The following HMCN1 variants were observed in gnomAD, a reference collection of about 807,000 sequenced individuals.
HMCN1 encodes hemicentin-1.
A neutral mutation model predicts 625.9 loss-of-function variants in HMCN1; 321 were observed. That is an observed-to-expected ratio of 0.51 (90% CI 0.47 to 0.56). The LOEUF is 0.56. Ranked by LOEUF, HMCN1 falls within the 20% of genes least tolerant of loss-of-function variation. The pLI is 0.00. For synonymous variants in HMCN1, 2,425 were observed against 2,417.6 expected (o/e 1.00, Z -0.09); for missense variants, 6,588 against 6,887.3 (o/e 0.96, Z 1.54).
intron 4 of HMCN1, among the ~76,000 whole-genome samples, chr1:185,878,682 G>A (rs780864779): frequency 2.6e-5 from 4 of 151,992 alleles, no homozygotes; most frequent in Admixed American, 1.3e-4. Context: ...CACCATTATC[G>A]ACTTCATTTT....
chr1:185,759,872 A>G (rs758871870), intron 1 of HMCN1, among the ~76,000 whole-genome samples: 4 of 152,218 alleles, frequency 2.6e-5, no homozygotes, highest in Non-Finnish European at 4.4e-5. Context: ...ACTCTTAAAC[A>G]TAAGTAATAA....
At chr1:186,113,864 G>A (rs1558233277) in intron 72 of HMCN1, 115 bp from the exon 73 acceptor site, 8 of 1,137,436 alleles carry the variant, frequency 7.0e-6, no homozygotes, top group African/African-American at 1.5e-5. Flanking sequence ...CTAGATTCTT[G>A]TAGACAAAGC....
chr1:185,768,528 C>T (rs373513699), intron 1 of HMCN1, among the ~76,000 whole-genome samples: 1 of 152,114 alleles, frequency 6.6e-6, no homozygotes, highest in South Asian at 2.1e-4. Flanking sequence ...GCATCTGCCA[C>T]GTGAATGAAT....
At chr1:186,167,935 C>G (rs1651978842) in intron 100 of HMCN1, among the ~76,000 whole-genome samples, 1 of 151,998 alleles carries the variant, frequency 6.6e-6, no homozygotes, top group Non-Finnish European at 1.5e-5. Context: ...AAGCTGCTAT[C>G]AGGATTTTTC....
chr1:185,930,356 C>G (rs934742359), intron 10 of HMCN1, among the ~76,000 whole-genome samples: 1 of 152,076 alleles, frequency 6.6e-6, no homozygotes. Context: ...CCTAGTACAC[C>G]AGCCTTTAAG....
chr1:185,911,620 T>C, intron 5 of HMCN1, 54 bp from the exon 6 acceptor site: 1 of 1,213,004 alleles, frequency 8.2e-7, no homozygotes, highest in South Asian at 1.2e-5. Flanking sequence ...AATTAGCTAA[T>C]ATACATAGCT....
intron 2 of HMCN1, among the ~76,000 whole-genome samples, chr1:185,852,352 T>C (rs904932421): frequency 6.6e-6 from 1 of 151,914 alleles, no homozygotes; most frequent in Admixed American, 6.6e-5. Context: ...ATATGAATTT[T>C]AAAAAAACAT....
At position 186,141,649 on chromosome 1, in the gene HMCN1, A is replaced by G. The variant is rs75873027; in HGVS notation, c.13925-2524A>G. 5.8e-3 allele frequency among the ~76,000 whole-genome samples: 891 copies of G among 152,336 alleles called. 3 individuals carry two copies. Among genetic ancestry groups the G allele is most frequent in the Middle Eastern group, 0.027 (8 of 294 alleles). On this transcript the variant is annotated intron_variant, in intron 89 of 106. Transcript: ENST00000271588. ...ACTGTTGAGAACTTTGAGCAAAGCC[A>G]TCATAGCTCCTAGCTTACACTTATG...
Position 185,891,536 on chromosome 1 carries a change from T to G in HMCN1, c.622-17801T>G, listed in dbSNP as rs1558044258. On this transcript the variant is annotated intron_variant, in intron 4 of 106. Transcript: ENST00000271588. ...GACAAAATCTCTCAGCATTTGCTTG[T>G]CTGTAAAGTATTTAATTTCTCCTTC... Among the ~76,000 whole-genome samples, 6 of 147,986 alleles carry G rather than the reference T, an allele frequency of 4.1e-5. No individual in the cohort carries two copies. In the South Asian group the frequency reaches 1.0e-3, roughly 26 times the overall value.
intron 6 of HMCN1, among the ~76,000 whole-genome samples, chr1:185,917,447 T>C (rs1474101004): frequency 6.6e-6 from 1 of 152,210 alleles, no homozygotes; most frequent in Non-Finnish European, 1.5e-5. Context: ...TGAACCTCTG[T>C]TTCTTTGTAG....
chr1:185,987,600 A>C (rs1652088021), intron 20 of HMCN1, 56 bp downstream of exon 20: 1 of 1,147,218 alleles, frequency 8.7e-7, no homozygotes, highest in Admixed American at 1.7e-5. Flanking sequence ...GTTCACCTGC[A>C]AGTTATCCCT....
intron 40 of HMCN1, among the ~76,000 whole-genome samples, chr1:186,044,218 TCA>T (rs759600313): frequency 1.3e-5 from 2 of 152,210 alleles, no homozygotes; most frequent in Non-Finnish European, 2.9e-5. Context: ...TTTCTGTTTC[TCA>T]CAGATTACTT....
At chr1:185,867,856 G>A (rs987075511) in intron 4 of HMCN1, among the ~76,000 whole-genome samples, 1 of 152,124 alleles carries the variant, frequency 6.6e-6, no homozygotes, top group African/African-American at 2.4e-5. Context: ...GGATCACAAG[G>A]TCAGGAGTTC....
At chr1:185,799,437 T>C (rs1658635432) in intron 1 of HMCN1, among the ~76,000 whole-genome samples, 1 of 152,140 alleles carries the variant, frequency 6.6e-6, no homozygotes, top group Non-Finnish European at 1.5e-5. Context: ...GTGAAGTTAG[T>C]TGGAGCTAGA....
In HMCN1 at chr1:186,081,243, C is replaced by T; in HGVS notation, c.8636C>T (p.Pro2879Leu). The change falls in exon 56 of 107, where the codon CCT (proline) becomes CTT (leucine). Residue 2879 changes from proline to leucine, a missense_variant. Pro to Leu is a moderately conservative substitution (Grantham distance 98). Around this residue, in one of 3 missense-constraint regions of HMCN1, gnomAD observed 4,628 missense variants for 4,853.1 expected, o/e 0.95. Transcript: ENST00000271588. ...PIIKGANSDL[P>L]EEVTVLVNKS... The stretch of plus-strand genomic sequence containing the variant: ...ATCAAGGGAGCAAATAGTGATCTCC[C>T]TGAAGAGGTCACCGTGCTGGTGAAC... 1 of 1,613,730 alleles carries T rather than the reference C, an allele frequency of 6.2e-7. No homozygotes were observed. The highest frequency in any genetic ancestry group is 8.5e-7 in the Non-Finnish European group (1 of 1,179,746).
intron 69 of HMCN1, among the ~76,000 whole-genome samples, chr1:186,106,350 CCTG>C (rs1660606353): frequency 6.6e-6 from 1 of 152,074 alleles, no homozygotes; most frequent in Admixed American, 6.5e-5. Context: ...AATTATAGAT[CCTG>C]CTGTCAGTCT....
rs1485708453 is a variant in HMCN1 at position 186,086,439 on chromosome 1, ATTTTCTCATCTTTATT to A, written c.9046+35_9046+50del. 6.9e-6 allele frequency: 11 copies of A among 1,603,082 alleles called. 1 individual carries two copies. The South Asian group carries it at 1.2e-4, about 18-fold the overall frequency. The stretch of plus-strand genomic sequence containing the variant: ...AACTTCTTATTATAAAGCAGGCAAA[ATTTTCTCATCTTTATT>A]TTAATACAAACAGCATTTCAAATTA... On this transcript the variant is annotated intron_variant, in intron 58 of 106. Transcript: ENST00000271588.
At chr1:186,121,971 C>CCCAA in intron 80 of HMCN1, among the ~76,000 whole-genome samples, 1 of 152,056 alleles carries the variant, frequency 6.6e-6, no homozygotes, top group Non-Finnish European at 1.5e-5. Context: ...GCAGTTGAGT[C>CCCAA]AAGTAGGATA....
chr1:186,083,727 G>T (rs971252375), intron 57 of HMCN1, among the ~76,000 whole-genome samples: 1 of 152,096 alleles, frequency 6.6e-6, no homozygotes, highest in Non-Finnish European at 1.5e-5. Flanking sequence ...TATGTAGTAT[G>T]ATAAATATTC....
Sources: gnomAD v4.1 joint callset for allele counts (sites outside exome capture counted in the v4.1 genomes callset) on GRCh38, gnomAD v4.1.1 for gene constraint, gnomAD v4.1.1 regional missense constraint, MANE v1.5 for transcripts, NCBI Gene and HGNC (gene_info 2026-07-23, HGNC 2026-07-21) for gene names.